The following LRRCC1 variants were observed in gnomAD, a reference collection of about 807,000 sequenced individuals.
LRRCC1 encodes the protein leucine rich repeat and coiled-coil centrosomal protein 1, also known as leucine-rich repeat and coiled-coil domain-containing protein 1.
LRRCC1 carries 115 observed loss-of-function variants against 126.0 expected under a neutral mutation model. The ratio of observed to expected loss-of-function variants is 0.91; its 90% CI spans 0.78 to 1.07. The LOEUF is 1.07. Ranked by LOEUF, LRRCC1 falls within the 50% of genes least tolerant of loss-of-function variation. The pLI is 0.00. For synonymous variants in LRRCC1, 400 were observed against 393.4 expected (o/e 1.02, Z -0.20); for missense variants, 1,172 against 1,175.7 (o/e 1.00, Z 0.05).
intron 6 of LRRCC1, among the ~76,000 whole-genome samples, chr8:85,117,341 C>T (rs933287756): frequency 4.6e-5 from 7 of 152,042 alleles, no homozygotes; most frequent in African/African-American, 1.7e-4. Flanking sequence ...CTTTGTTAAC[C>T]AAAAACAGGA....
chr8:85,116,986 C>G (rs1281811038), intron 6 of LRRCC1, among the ~76,000 whole-genome samples: 1 of 152,124 alleles, frequency 6.6e-6, no homozygotes, highest in African/African-American at 2.4e-5. Context: ...TATGGCTGGA[C>G]TTTTGGACTC....
chr8:85,121,934 T>C (rs1202966308), intron 6 of LRRCC1, among the ~76,000 whole-genome samples: 1 of 152,228 alleles, frequency 6.6e-6, no homozygotes, highest in African/African-American at 2.4e-5. Context: ...TCTGGTGTTA[T>C]ATTCCTTCAG....
intron 13 of LRRCC1, among the ~76,000 whole-genome samples, chr8:85,135,439 T>A (rs1810782022): frequency 6.6e-6 from 1 of 152,182 alleles, no homozygotes; most frequent in Non-Finnish European, 1.5e-5. Context: ...TTATTGCTGT[T>A]GTCTCAATTT....
In LRRCC1 at chr8:85,128,489, T is replaced by C. The variant is rs961611014; in HGVS notation, c.1422-686T>C. 6.4e-5 allele frequency among the ~76,000 whole-genome samples: 9 copies of C among 140,294 alleles called. No homozygotes were observed. In the East Asian group the frequency reaches 2.1e-3, roughly 33 times the overall value. The allele number at this position is 140,294 out of a possible 152,430, so 92.0% of individuals were successfully genotyped here. ...CCTTACCAATCTCCCTGTTCCCTTA[T>C]GTGCCTTGGTAGGGACTCTGTATCC... is the stretch of plus-strand genomic sequence containing the variant. On this transcript the variant is annotated intron_variant, in intron 9 of 18. Transcript: ENST00000360375.
chr8:85,138,545 A>G (rs1811034772), intron 17 of LRRCC1, 70 bp downstream of exon 17: 1 of 1,437,904 alleles, frequency 7.0e-7, no homozygotes, highest in Middle Eastern at 1.8e-4. Context: ...TGAAATACGT[A>G]TAAAGAGAGG....
chr8:85,138,086 G>A lies in LRRCC1; in HGVS notation c.2545G>A (p.Glu849Lys), dbSNP rs755071326. Residue 849 changes from glutamate to lysine, a missense_variant, in exon 16 of 19, where the codon GAA (glutamate) becomes AAA (lysine). By Grantham distance (56) the Glu-to-Lys change is moderately conservative. Transcript: ENST00000360375. ...HIKRLQEKIT[E>K]IEKCTQEQLD... ...CAAAAGATTACAAGAAAAGATCACA[G>A]AAATAGAAAAATGCACTCAAGAACA... 89 of 1,598,974 alleles carry A rather than the reference G, an allele frequency of 5.6e-5. No homozygotes were observed. Among genetic ancestry groups the A allele is most frequent in the Non-Finnish European group, 7.3e-5 (85 of 1,172,368 alleles).
chr8:85,129,868 T>C (rs1810313073), intron 10 of LRRCC1, 51 bp from the exon 11 acceptor site: 1 of 1,368,614 alleles, frequency 7.3e-7, no homozygotes, highest in Non-Finnish European at 9.7e-7. Flanking sequence ...GACATTAAAA[T>C]AGCAGGGGAG....
intron 18 of LRRCC1, among the ~76,000 whole-genome samples, chr8:85,141,739 G>T (rs999235972): frequency 6.6e-6 from 1 of 152,118 alleles, no homozygotes; most frequent in Non-Finnish European, 1.5e-5. Flanking sequence ...TTGTACATTT[G>T]ATTCTAGTGT....
chr8:85,145,477 C>T lies in LRRCC1; in HGVS notation c.3065C>T (p.Ala1022Val). The part of the protein sequence containing the change: ...KTMEAKIKQL[A>V]FALNEIQQDM ...ATGGAAGCAAAAATTAAGCAACTTGCTTTTGCTTTAAATGAAATTCAGCAA... is the reference window on the plus strand; with the variant it reads ...ATGGAAGCAAAAATTAAGCAACTTGTTTTTGCTTTAAATGAAATTCAGCAA... Residue 1022 changes from alanine to valine, a missense_variant, in exon 19 of 19, where the codon GCT becomes GTT. Coordinates refer to ENST00000360375, the MANE Select transcript of LRRCC1 (RefSeq NM_033402.5). 1 of 1,587,090 alleles carries T rather than the reference C, an allele frequency of 6.3e-7. No homozygotes were observed. The highest frequency in any genetic ancestry group is 8.5e-7 in the Non-Finnish European group (1 of 1,170,990).
At position 85,145,227 on chromosome 8, in the gene LRRCC1, C is replaced by G. The variant is rs900158519; in HGVS notation, c.2977-162C>G. Among the ~76,000 whole-genome samples the G allele has an allele frequency of 2.0e-5, 3 of 150,606 alleles. No homozygotes were observed. The South Asian group carries it at 6.3e-4, about 31-fold the overall frequency. ...TATACTGTATAAATACTGTATTTTT[C>G]CTATTAGCATTTGAGCAAGTTACAT... On this transcript the variant is annotated intron_variant, in intron 18 of 18. Coordinates refer to ENST00000360375, the MANE Select transcript of LRRCC1 (RefSeq NM_033402.5).
At chr8:85,122,645 A>C (rs1158425562) in intron 6 of LRRCC1, among the ~76,000 whole-genome samples, 2 of 152,152 alleles carry the variant, frequency 1.3e-5, no homozygotes, top group Non-Finnish European at 2.9e-5. Context: ...ATCTCATTGA[A>C]CATCACTATT....
chr8:85,107,299 G>A lies in LRRCC1; in HGVS notation c.4G>A (p.Glu2Lys). MEAAAAVVAAEA... is the reference protein window; with the variant it reads MKAAAAVVAAEA... ...CCCGCTCCCCGTCGCCAGTGCTATG[G>A]AGGCGGCGGCGGCGGTGGTGGCGGC... The change falls in exon 1 of 19, where the codon GAG becomes AAG. Residue 2 changes from glutamate (E) to lysine (K), a missense_variant. By Grantham distance (56) the Glu-to-Lys change is moderately conservative. Coordinates refer to ENST00000360375, the MANE Select transcript of LRRCC1 (RefSeq NM_033402.5). 2 of 1,612,084 alleles carry A rather than the reference G, an allele frequency of 1.2e-6. No individual in the cohort carries two copies. The highest frequency in any genetic ancestry group is 1.7e-6 in the Non-Finnish European group (2 of 1,179,206).
At chr8:85,126,608 CCT>C (rs1810020361) in intron 8 of LRRCC1, 79 bp from the exon 9 acceptor site, 1 of 1,192,930 alleles carries the variant, frequency 8.4e-7, no homozygotes, top group Non-Finnish European at 1.2e-6. Flanking sequence ...CTATTATTCC[CCT>C]GTTATAAATG....
chr8:85,118,135 T>A (rs1382804770), intron 6 of LRRCC1, among the ~76,000 whole-genome samples: 1 of 152,100 alleles, frequency 6.6e-6, no homozygotes, highest in African/African-American at 2.4e-5. Flanking sequence ...ATTCAGTGTA[T>A]ACTCTTTTGT....
chr8:85,138,039 T>A lies in LRRCC1; in HGVS notation c.2498T>A (p.Leu833Ter). The A allele has an allele frequency of 6.5e-7, 1 of 1,534,944 alleles. No individual in the cohort carries two copies. The highest frequency in any genetic ancestry group is 8.8e-7 in the Non-Finnish European group (1 of 1,139,184). Residue 833 changes from leucine (L) to a stop codon, truncating the protein, a stop_gained, in exon 16 of 19, where the codon TTA (leucine) becomes TAA (stop). Coordinates refer to ENST00000360375, the MANE Select transcript of LRRCC1 (RefSeq NM_033402.5). LOFTEE classifies it high-confidence loss of function. ...GTGCCAATTTTTTTCTTAAAGTGTT[T>A]ACAAGAAAAAGATGAACACATCAAA... The part of the protein sequence containing the change: ...TETIRKLKDC[L>*]QEKDEHIKRL...
intron 9 of LRRCC1, among the ~76,000 whole-genome samples, chr8:85,128,433 CCCA>C (rs1234234524): frequency 2.2e-5 from 3 of 136,708 alleles, no homozygotes; most frequent in African/African-American, 8.0e-5. Flanking sequence ...CCCCACCCCC[CCCA>C]CCACCACATG....
At chr8:85,117,146 AT>A in intron 6 of LRRCC1, among the ~76,000 whole-genome samples, 1 of 152,328 alleles carries the variant, frequency 6.6e-6, no homozygotes, top group East Asian at 1.9e-4. Flanking sequence ...TGACAGCCCA[AT>A]CAAGTAGATA....
intron 18 of LRRCC1, among the ~76,000 whole-genome samples, chr8:85,142,847 AG>A (rs1285193023): frequency 8.7e-5 from 7 of 80,564 alleles, no homozygotes; most frequent in African/African-American, 1.4e-4. Context: ...AAAAAAAAAA[AG>A]AAAAGAAAAG....
At chr8:85,136,279 C>CTT (rs371836707) in intron 14 of LRRCC1, among the ~76,000 whole-genome samples, 1 of 146,406 alleles carries the variant, frequency 6.8e-6, no homozygotes. Flanking sequence ...AAAAATAATT[C>CTT]TTTTTTTTTT....
Sources: gnomAD v4.1 joint callset for allele counts (sites outside exome capture counted in the v4.1 genomes callset) on GRCh38, gnomAD v4.1.1 for gene constraint, MANE v1.5 for transcripts, NCBI Gene and HGNC (gene_info 2026-07-23, HGNC 2026-07-21) for gene names.